L3MBTL4: variants seen among roughly 807,000 people sequenced by gnomAD.
L3MBTL4 encodes lethal(3)malignant brain tumor-like protein 4.
A neutral mutation model predicts 84.5 loss-of-function variants in L3MBTL4; 70 were observed. The observed-to-expected ratio is 0.83, with a 90% CI of 0.68 to 1.01. L3MBTL4 has a LOEUF of 1.01. L3MBTL4 is among the 50% of genes least tolerant of loss of function. L3MBTL4 has a pLI of 0.00. For missense variants in L3MBTL4, 715 were observed against 754.8 expected, an observed-to-expected ratio of 0.95 and a Z score of 0.62; for synonymous variants, 274 against 259.8, an observed-to-expected ratio of 1.05 and a Z score of -0.52.
At chr18:5,988,380 A>T (rs758536091) in intron 16 of L3MBTL4, among the ~76,000 whole-genome samples, 1 of 152,224 alleles carries the variant, frequency 6.6e-6, no homozygotes, top group African/African-American at 2.4e-5. Flanking sequence ...GCCCTGTATG[A>T]TATATTCAGA....
intron 16 of L3MBTL4, among the ~76,000 whole-genome samples, chr18:6,041,584 G>A (rs764302218): frequency 6.6e-5 from 10 of 151,130 alleles, no homozygotes; most frequent in South Asian, 2.1e-4. Flanking sequence ...CTTCCTGTGC[G>A]TGCATAGGCT....
At chr18:6,261,335 G>A (rs978820317) in intron 5 of L3MBTL4, among the ~76,000 whole-genome samples, 2 of 152,196 alleles carry the variant, frequency 1.3e-5, no homozygotes, top group African/African-American at 4.8e-5. Flanking sequence ...TGTCAAACAT[G>A]TCTGTTTTCT....
At chr18:5,972,858 AGT>A (rs1375407305) in intron 16 of L3MBTL4, among the ~76,000 whole-genome samples, 1,284 of 76,788 alleles carry the variant, frequency 0.017, 28 homozygotes, top group African/African-American at 0.092. Flanking sequence ...AAAATAGAAT[AGT>A]ATAGAATAGA....
chr18:6,247,087 CAT>C (rs2047697059), intron 5 of L3MBTL4, among the ~76,000 whole-genome samples: 1 of 152,094 alleles, frequency 6.6e-6, no homozygotes, highest in Admixed American at 6.6e-5. Flanking sequence ...GATAGAGAAA[CAT>C]GTGGATATAA....
At chr18:6,232,336 G>T (rs1439583618) in intron 10 of L3MBTL4, among the ~76,000 whole-genome samples, 1 of 151,838 alleles carries the variant, frequency 6.6e-6, no homozygotes, top group East Asian at 1.9e-4. Context: ...AAGAATATTG[G>T]TCTACAGTTT....
chr18:6,390,693 T>G (rs9958791), intron 1 of L3MBTL4, among the ~76,000 whole-genome samples: 4,139 of 152,112 alleles, frequency 0.027, 189 homozygotes, highest in African/African-American at 0.094. Context: ...GAGACTGCTA[T>G]GCACACCTCT....
chr18:6,105,730 G>A (rs1254145491), intron 14 of L3MBTL4, among the ~76,000 whole-genome samples: 2 of 151,294 alleles, frequency 1.3e-5, no homozygotes, highest in Non-Finnish European at 1.5e-5. Flanking sequence ...AACCTGGGAG[G>A]TGGAAGTTGC....
At chr18:6,345,410 A>G (rs2052844921) in intron 1 of L3MBTL4, among the ~76,000 whole-genome samples, 1 of 151,742 alleles carries the variant, frequency 6.6e-6, no homozygotes, top group African/African-American at 2.4e-5. Context: ...ACAAACAAAC[A>G]AACAAACAAA....
chr18:6,323,899 T>A (rs1440028579), intron 1 of L3MBTL4, among the ~76,000 whole-genome samples: 1 of 151,748 alleles, frequency 6.6e-6, no homozygotes, highest in Non-Finnish European at 1.5e-5. Flanking sequence ...TGAAAGCATT[T>A]CAGAGACATT....
chr18:6,265,448 C>T (rs898452835), intron 4 of L3MBTL4, among the ~76,000 whole-genome samples: 2 of 152,138 alleles, frequency 1.3e-5, no homozygotes, highest in Admixed American at 1.3e-4. Flanking sequence ...TAAAAATGTA[C>T]ATCACAAAAT....
intron 12 of L3MBTL4, among the ~76,000 whole-genome samples, chr18:6,201,297 A>G (rs2045637889): frequency 6.6e-6 from 1 of 152,212 alleles, no homozygotes; most frequent in Non-Finnish European, 1.5e-5. Flanking sequence ...ACGTTCAGAC[A>G]CGGATTAAGA....
At chr18:6,178,880 A>G (rs1253038059) in intron 12 of L3MBTL4, among the ~76,000 whole-genome samples, 1 of 152,198 alleles carries the variant, frequency 6.6e-6, no homozygotes, top group East Asian at 1.9e-4. Context: ...TGCCCACAGT[A>G]GGACTTGCCC....
intron 13 of L3MBTL4, among the ~76,000 whole-genome samples, chr18:6,163,431 T>C (rs909017527): frequency 2.6e-5 from 4 of 151,992 alleles, no homozygotes. Context: ...ATGGTGCAGA[T>C]AAAGATAATT....
At chr18:6,390,741 A>G (rs2055013008) in intron 1 of L3MBTL4, among the ~76,000 whole-genome samples, 1 of 152,184 alleles carries the variant, frequency 6.6e-6, no homozygotes, top group African/African-American at 2.4e-5. Flanking sequence ...AAATGGATAA[A>G]TTCTTGAAAC....
At chr18:6,223,106 TG>T (rs1188837642) in intron 10 of L3MBTL4, among the ~76,000 whole-genome samples, 2 of 152,040 alleles carry the variant, frequency 1.3e-5, no homozygotes, top group East Asian at 1.9e-4. Context: ...TCCAGCCAAT[TG>T]GTGATTCTAG....
chr18:6,121,922 T>C (rs2059542740), intron 14 of L3MBTL4, among the ~76,000 whole-genome samples: 1 of 152,176 alleles, frequency 6.6e-6, no homozygotes, highest in Non-Finnish European at 1.5e-5. Flanking sequence ...ATCTTCCTAA[T>C]CTACAAGTGA....
At position 6,191,533 on chromosome 18, in the gene L3MBTL4, C is replaced by T. The variant is rs180789377; in HGVS notation, c.982-19591G>A. Among the ~76,000 whole-genome samples the T allele has an allele frequency of 8.5e-4, 129 of 152,254 alleles. No individual in the cohort carries two copies. In the South Asian group the frequency reaches 0.013, roughly 15 times the overall value. ...TGTTGAGATTGAGATATCTATTCGA[C>T]ATAAAACGGACAAGTCGAGTAGGTA... is the stretch of plus-strand genomic sequence containing the variant. On this transcript the variant is annotated intron_variant, in intron 12 of 18. Coordinates refer to ENST00000317931, the MANE Select transcript of L3MBTL4 (RefSeq NM_001330559.2).
chr18:5,966,676 T>A (rs1048477554), intron 17 of L3MBTL4, among the ~76,000 whole-genome samples: 1 of 152,142 alleles, frequency 6.6e-6, no homozygotes, highest in Admixed American at 6.5e-5. Flanking sequence ...TAACCATGAG[T>A]CACGTGTCCA....
intron 15 of L3MBTL4, among the ~76,000 whole-genome samples, chr18:6,084,432 G>T (rs945800531): frequency 6.6e-6 from 1 of 151,950 alleles, no homozygotes; most frequent in Non-Finnish European, 1.5e-5. Context: ...AAAAAAAATG[G>T]TCCATAAGTT....
Sources: gnomAD v4.1 joint callset for allele counts (sites outside exome capture counted in the v4.1 genomes callset) on GRCh38, gnomAD v4.1.1 for gene constraint, MANE v1.5 for transcripts, NCBI Gene and HGNC (gene_info 2026-07-23, HGNC 2026-07-21) for gene names.